CSGALNACT1: variants seen among roughly 807,000 people sequenced by gnomAD.
CSGALNACT1 encodes beta4GalNAcT-1.
CSGALNACT1 carries 52 observed loss-of-function variants against 51.0 expected under a neutral mutation model. The ratio of observed to expected loss-of-function variants is 1.02; its 90% CI spans 0.82 to 1.29. The LOEUF (loss-of-function observed/expected upper bound fraction) is 1.29. Ranked by LOEUF, CSGALNACT1 falls within the 50% of genes most tolerant of loss-of-function variation. CSGALNACT1 has a pLI of 0.00. For synonymous variants in CSGALNACT1, 341 were observed against 254.4 expected (o/e 1.34, Z -3.24); for missense variants, 935 against 679.2 (o/e 1.38, Z -4.19).
intron 1 of CSGALNACT1, among the ~76,000 whole-genome samples, chr8:19,680,263 G>T (rs1160453984): frequency 6.6e-6 from 1 of 152,144 alleles, no homozygotes; most frequent in East Asian, 1.9e-4. Context: ...ATTAAAAATA[G>T]TGCAAATATA....
intron 1 of CSGALNACT1, among the ~76,000 whole-genome samples, chr8:19,745,848 T>C (rs1366569801): frequency 1.3e-5 from 2 of 152,008 alleles, no homozygotes; most frequent in African/African-American, 4.8e-5. Context: ...CCCACTAAAA[T>C]TAGGGGTTTA....
chr8:19,682,216 GTGAGCCTCTGTTTGTACTC>G (rs2060669586), intron 1 of CSGALNACT1, among the ~76,000 whole-genome samples: 1 of 152,150 alleles, frequency 6.6e-6, no homozygotes. Context: ...CACATGGAAT[GTGAGCCTCTGTTTGTACTC>G]CTGCCTCGGG....
chr8:19,754,296 G>A (rs2065224323), intron 1 of CSGALNACT1, among the ~76,000 whole-genome samples: 1 of 152,190 alleles, frequency 6.6e-6, no homozygotes, highest in Non-Finnish European at 1.5e-5. Flanking sequence ...CCAAAGCGCT[G>A]GGATTATAGA....
chr8:19,662,063 CACCCCCCCCCA>C (rs1564372706), intron 1 of CSGALNACT1, among the ~76,000 whole-genome samples: 11 of 37,440 alleles, frequency 2.9e-4, no homozygotes, highest in Non-Finnish European at 2.1e-4. Context: ...CAGTTGCCCC[CACCCCCCCCCA>C]CCCCCCCCCC....
At chr8:19,441,659 G>T (rs907722086) in intron 5 of CSGALNACT1, among the ~76,000 whole-genome samples, 12 of 152,156 alleles carry the variant, frequency 7.9e-5, no homozygotes, top group African/African-American at 2.7e-4. Context: ...ATAGGCATGG[G>T]CAAGGACTTC....
At chr8:19,599,472 A>AAAAGAAAGAGAAAGAAAGAAAG (rs1554751250) in intron 2 of CSGALNACT1, among the ~76,000 whole-genome samples, 1 of 113,736 alleles carries the variant, frequency 8.8e-6, no homozygotes, top group African/African-American at 3.6e-5. Context: ...GAAAGAAAGA[A>AAAAGAAAGAGAAAGAAAGAAAG]AAAGAAAGAA....
At chr8:19,502,340 T>C (rs1202301477) in intron 4 of CSGALNACT1, among the ~76,000 whole-genome samples, 1 of 152,194 alleles carries the variant, frequency 6.6e-6, no homozygotes, top group Non-Finnish European at 1.5e-5. Flanking sequence ...AGTCTCTTGT[T>C]GGTGGATTAG....
At chr8:19,700,211 G>A (rs1323335142) in intron 1 of CSGALNACT1, among the ~76,000 whole-genome samples, 1 of 150,242 alleles carries the variant, frequency 6.7e-6, no homozygotes, top group Admixed American at 6.6e-5. Flanking sequence ...TTTTTTTTTA[G>A]TAATATAAAT....
chr8:19,707,262 A>G (rs1313907940), intron 1 of CSGALNACT1, among the ~76,000 whole-genome samples: 1 of 152,222 alleles, frequency 6.6e-6, no homozygotes, highest in East Asian at 1.9e-4. Context: ...TTCTACATCC[A>G]TAAGTGTTCT....
chr8:19,459,112 G>A (rs181384675), intron 4 of CSGALNACT1, among the ~76,000 whole-genome samples: 74 of 152,204 alleles, frequency 4.9e-4, no homozygotes, highest in African/African-American at 1.6e-3. Flanking sequence ...CAGCCTGGGC[G>A]CAGTGGCTCA....
At chr8:19,528,068 G>C (rs1389810831) in intron 3 of CSGALNACT1, among the ~76,000 whole-genome samples, 7 of 152,120 alleles carry the variant, frequency 4.6e-5, no homozygotes, top group African/African-American at 1.4e-4. Flanking sequence ...GGAACTTCTG[G>C]AGATGACCCA....
At chr8:19,581,575 C>G (rs144528520) in intron 3 of CSGALNACT1, among the ~76,000 whole-genome samples, 2 of 152,046 alleles carry the variant, frequency 1.3e-5, no homozygotes, top group Non-Finnish European at 2.9e-5. Flanking sequence ...CCACTGCACT[C>G]CAGCCTGGTG....
intron 1 of CSGALNACT1, among the ~76,000 whole-genome samples, chr8:19,618,629 C>CAA (rs60787326): frequency 6.8e-3 from 437 of 63,800 alleles, no homozygotes; most frequent in Non-Finnish European, 9.8e-3. Context: ...AATACTCCAT[C>CAA]AAAAAAAAAA....
At chr8:19,714,262 T>C (rs1459846714) in intron 1 of CSGALNACT1, among the ~76,000 whole-genome samples, 1 of 152,236 alleles carries the variant, frequency 6.6e-6, no homozygotes, top group Non-Finnish European at 1.5e-5. Flanking sequence ...CTTAGCTTCC[T>C]TTCCTCTGGC....
chr8:19,486,045 C>T (rs2072845771), intron 4 of CSGALNACT1, among the ~76,000 whole-genome samples: 1 of 151,264 alleles, frequency 6.6e-6, no homozygotes, highest in South Asian at 2.1e-4. Context: ...GGATTACAGG[C>T]GTGAGCCACC....
intron 1 of CSGALNACT1, among the ~76,000 whole-genome samples, chr8:19,749,356 T>TAA (rs3832568): frequency 3.4e-5 from 5 of 148,546 alleles, no homozygotes; most frequent in African/African-American, 7.4e-5. Flanking sequence ...TTTTTGGCTT[T>TAA]AAAAAAAAAA....
intron 6 of CSGALNACT1, among the ~76,000 whole-genome samples, chr8:19,422,014 A>C (rs2058031114): frequency 6.6e-6 from 1 of 152,142 alleles, no homozygotes; most frequent in Non-Finnish European, 1.5e-5. Context: ...AATCATTCTA[A>C]ACCTAGCTGT....
At chr8:19,632,833 G>T (rs536597918) in intron 1 of CSGALNACT1, among the ~76,000 whole-genome samples, 1 of 152,218 alleles carries the variant, frequency 6.6e-6, no homozygotes, top group Middle Eastern at 3.4e-3. Flanking sequence ...ACAGCTCACT[G>T]CAGCCTCAAC....
In CSGALNACT1 at chr8:19,667,000, A is replaced by T. The variant is rs1286482959; in HGVS notation, c.-544+15473T>A. On this transcript the variant is annotated intron_variant, in intron 1 of 9. Coordinates refer to the CSGALNACT1 transcript ENST00000332246. ...GAAAGAAAGAAAGAAAGAAAGAAAG[A>T]AAGAAAGAAAGAAAGAAAGGAAGGA... Among the ~76,000 whole-genome samples, 42 of 21,054 alleles carry T rather than the reference A, an allele frequency of 2.0e-3. 3 individuals are homozygous for T. The highest frequency in any genetic ancestry group is 0.012 in the African/African-American group (39 of 3,280). The allele number at this position is 21,054 out of a possible 152,430, so 13.8% of individuals were successfully genotyped here.
Sources: allele counts gnomAD v4.1 joint callset (sites outside exome capture counted in the v4.1 genomes callset), GRCh38; gene constraint gnomAD v4.1.1; transcripts MANE v1.5; gene names NCBI Gene and HGNC (gene_info 2026-07-23, HGNC 2026-07-21).